Variants in CAV1 observed in about 807,000 individuals in gnomAD.
The protein encoded by CAV1 is caveolin 1.
Under a neutral mutation model 16.5 loss-of-function variants are expected in CAV1, and 10 were observed. That is an observed-to-expected ratio of 0.61 (90% CI 0.37 to 1.03). The LOEUF (loss-of-function observed/expected upper bound fraction) is 1.03. Ranked by LOEUF, CAV1 falls within the 50% of genes least tolerant of loss-of-function variation. The probability of loss-of-function intolerance (pLI) is 0.01; values close to 1 mark genes in which losing one functional copy is unlikely to be tolerated. For missense variants in CAV1, 212 were observed against 232.8 expected, an observed-to-expected ratio of 0.91 and a Z score of 0.58; for synonymous variants, 76 against 85.1, an observed-to-expected ratio of 0.89 and a Z score of 0.59.
At chr7:116,550,781 G>T (rs1382998789) in intron 2 of CAV1, among the ~76,000 whole-genome samples, 1 of 152,102 alleles carries the variant, frequency 6.6e-6, no homozygotes, top group South Asian at 2.1e-4. Flanking sequence ...TTTAAAAAAA[G>T]CGTTTACATA....
intron 2 of CAV1, among the ~76,000 whole-genome samples, chr7:116,539,944 C>T (rs1161995897): frequency 6.6e-6 from 1 of 152,138 alleles, no homozygotes; most frequent in Non-Finnish European, 1.5e-5. Flanking sequence ...CTGTTGAACC[C>T]CCCATCTATC....
At chr7:116,537,009 CAA>C (rs753949130) in intron 2 of CAV1, among the ~76,000 whole-genome samples, 54 of 61,466 alleles carry the variant, frequency 8.8e-4, no homozygotes, top group African/African-American at 2.6e-3. Flanking sequence ...GACTCCGTCT[CAA>C]AAAAAAAAAA....
At chr7:116,526,222 G>A in intron 1 of CAV1, 4 of 1,019,062 alleles carry the variant, frequency 3.9e-6, no homozygotes, top group Non-Finnish European at 4.7e-6. Context: ...GCGCGGGCGG[G>A]GGCCTTCGGA....
chr7:116,547,543 C>T (rs967683251), intron 2 of CAV1, among the ~76,000 whole-genome samples: 1 of 152,218 alleles, frequency 6.6e-6, no homozygotes, highest in Admixed American at 6.5e-5. Context: ...CATTTGGTCA[C>T]TGTGTGCCTC....
intron 2 of CAV1, among the ~76,000 whole-genome samples, chr7:116,533,348 TAAATAAAATAAAATAA>T (rs1258446769): frequency 0.068 from 9,333 of 137,662 alleles, 501 homozygotes; most frequent in South Asian, 0.093. Context: ...AAAAATAAAA[TAAATAAAATAAAATAA>T]AATAAAATAA....
chr7:116,560,898 C>T lies in CAV1; in HGVS notation c.*1611C>T, dbSNP rs1157774023. 5.2e-5 allele frequency: 8 copies of T among 152,510 alleles called. No homozygotes were observed. Among genetic ancestry groups the T allele is most frequent in the Admixed American group, 5.2e-4 (8 of 15,256 alleles). 9.4% of individuals were successfully genotyped at this position (152,510 alleles called of 1,614,324 possible). On this transcript the variant is annotated 3_prime_UTR_variant, in exon 3 of 3. Transcript: ENST00000341049. ...TATAGTTTTACTTTTAAACTGTGTA[C>T]ATAACTGAAAATGTGCTATACTGCA...
At chr7:116,529,699 A>G (rs1307562034) in intron 2 of CAV1, among the ~76,000 whole-genome samples, 3 of 152,238 alleles carry the variant, frequency 2.0e-5, no homozygotes, top group Non-Finnish European at 2.9e-5. Context: ...AGTAATAATG[A>G]CACACATTAT....
At chr7:116,541,361 G>T (rs1793931161) in intron 2 of CAV1, among the ~76,000 whole-genome samples, 1 of 152,190 alleles carries the variant, frequency 6.6e-6, no homozygotes, top group Admixed American at 6.5e-5. Context: ...TGTCAGGTTA[G>T]TATGAGACTT....
rs556931778 is a variant in CAV1, at chr7:116,556,392, C to T, written c.196-2554C>T. On this transcript the variant is annotated intron_variant, in intron 2 of 2. Coordinates refer to ENST00000341049, the MANE Select transcript of CAV1 (RefSeq NM_001753.5). ...AACGTGCCTTTTAATTATGAAATAG[C>T]ATACTCACCTTAGATAAAATTTGAA... 3.5e-4 allele frequency among the ~76,000 whole-genome samples: 54 copies of T among 152,216 alleles called. 2 individuals are homozygous for T. The South Asian group carries it at 0.011, about 31-fold the overall frequency.
intron 2 of CAV1, among the ~76,000 whole-genome samples, chr7:116,544,494 G>A (rs930434644): frequency 4.6e-5 from 7 of 152,048 alleles, no homozygotes; most frequent in African/African-American, 1.7e-4. Context: ...ATAAGGATGT[G>A]ATAGGCTAGA....
At chr7:116,541,204 T>C (rs554009352) in intron 2 of CAV1, among the ~76,000 whole-genome samples, 44 of 152,082 alleles carry the variant, frequency 2.9e-4, no homozygotes, top group African/African-American at 1.0e-3. Flanking sequence ...GAGGTAGAGA[T>C]TCTGGAGAAG....
At chr7:116,531,513 A>G (rs1326549994) in intron 2 of CAV1, among the ~76,000 whole-genome samples, 1 of 152,202 alleles carries the variant, frequency 6.6e-6, no homozygotes, top group South Asian at 2.1e-4. Flanking sequence ...GCAATTGGTG[A>G]TTAATATCAG....
chr7:116,554,980 G>C (rs545978064), intron 2 of CAV1, among the ~76,000 whole-genome samples: 32 of 152,188 alleles, frequency 2.1e-4, no homozygotes, highest in African/African-American at 7.0e-4. Flanking sequence ...CTTAACCCCC[G>C]GCAGTATTCT....
intron 2 of CAV1, among the ~76,000 whole-genome samples, chr7:116,544,646 A>G (rs1489785120): frequency 6.6e-6 from 1 of 152,238 alleles, no homozygotes; most frequent in South Asian, 2.1e-4. Flanking sequence ...GGAGTGCTCC[A>G]GGCAAAATCA....
intron 2 of CAV1, among the ~76,000 whole-genome samples, chr7:116,548,792 G>T (rs988863090): frequency 6.6e-6 from 1 of 152,122 alleles, no homozygotes; most frequent in African/African-American, 2.4e-5. Context: ...GTAAAATGGG[G>T]GGAAATAATA....
chr7:116,525,572 T>A (rs1449329290), intron 1 of CAV1: 4 of 1,199,810 alleles, frequency 3.3e-6, no homozygotes, highest in Non-Finnish European at 2.1e-6. Flanking sequence ...GTGTTTGCAC[T>A]TTCCAAAGTT....
intron 2 of CAV1, among the ~76,000 whole-genome samples, chr7:116,554,543 A>G (rs1031356089): frequency 1.3e-5 from 2 of 152,224 alleles, no homozygotes; most frequent in African/African-American, 4.8e-5. Flanking sequence ...TTCTAATTGC[A>G]GCTTTTCCAT....
chr7:116,547,072 C>T (rs1367893826), intron 2 of CAV1, among the ~76,000 whole-genome samples: 1 of 152,166 alleles, frequency 6.6e-6, no homozygotes, highest in Non-Finnish European at 1.5e-5. Flanking sequence ...TGAGTGTTTT[C>T]ATATGACCAT....
rs199578058 is a variant in CAV1, at chr7:116,525,105, G to C, written c.30+13G>C. The C allele has an allele frequency of 1.7e-4, 281 of 1,608,730 alleles. No individual in the cohort carries two copies. The African/African-American group carries it at 2.9e-3, about 16-fold the overall frequency. ...CGTAGACTCGGAGGTAGGCATCCGT[G>C]GGGGGGCGCCGGCTCGGGCGTGCGG... On this transcript the variant is annotated intron_variant, in intron 1 of 2. Transcript: ENST00000341049.
Sources: allele counts gnomAD v4.1 joint callset (sites outside exome capture counted in the v4.1 genomes callset), GRCh38; gene constraint gnomAD v4.1.1; transcripts MANE v1.5; gene names NCBI Gene and HGNC (gene_info 2026-07-23, HGNC 2026-07-21).